The following FSTL4 variants were observed in gnomAD, a reference collection of about 807,000 sequenced individuals.
The protein encoded by FSTL4 is follistatin-related protein 4.
FSTL4 carries 28 observed loss-of-function variants against 78.2 expected under a neutral mutation model. The ratio of observed to expected loss-of-function variants is 0.36; its 90% confidence interval spans 0.27 to 0.49. The LOEUF (loss-of-function observed/expected upper bound fraction) is 0.49. FSTL4 is among the 20% of genes least tolerant of loss of function. FSTL4 has a pLI of 0.98. For missense variants in FSTL4, 922 were observed against 1,084.9 expected (o/e 0.85, Z 2.11); for synonymous variants, 422 against 440.5 (o/e 0.96, Z 0.53).
the FSTL4 span, among the ~76,000 whole-genome samples, chr5:133,750,465 C>T: frequency 6.6e-6 from 1 of 152,148 alleles, no homozygotes; most frequent in Admixed American, 6.5e-5. Flanking sequence ...CCATCACAGC[C>T]CAGGCCCCCC....
chr5:133,306,237 C>A (rs1753652027), intron 6 of FSTL4, among the ~76,000 whole-genome samples: 1 of 152,158 alleles, frequency 6.6e-6, no homozygotes, highest in African/African-American at 2.4e-5. Context: ...CTGCTGAAGC[C>A]AGGTTCTGCT....
the FSTL4 span, among the ~76,000 whole-genome samples, chr5:133,805,042 C>A: frequency 2.0e-5 from 3 of 151,854 alleles, no homozygotes; most frequent in Non-Finnish European, 2.9e-5. Context: ...TAGCCCCAAC[C>A]CCACTGCCTC....
rs1441334502 is a variant in FSTL4 at position 133,225,974 on chromosome 5, G to T, written c.1016-155C>A. 4.0e-6 allele frequency: 2 copies of T among 495,614 alleles called. No homozygotes were observed. The highest frequency in any genetic ancestry group is 3.1e-5 in the East Asian group (1 of 32,466). The allele number at this position is 495,614 out of a possible 1,614,324, so 30.7% of individuals were successfully genotyped here. ...AATTATAATAATCCTGTCCAGCAAC[G>T]CAAGCTCTAAAAGAAAGGGCTATAA... On this transcript the variant is annotated intron_variant, in intron 8 of 15. Transcript: ENST00000265342. The surrounding 1 kb of genome is among the most constrained non-coding windows in gnomAD (Gnocchi z 4.6).
At chr5:133,239,674 A>C (rs1263502156) in intron 7 of FSTL4, among the ~76,000 whole-genome samples, 2 of 148,252 alleles carry the variant, frequency 1.3e-5, no homozygotes, top group Admixed American at 1.3e-4. Context: ...CAAGGTTTGT[A>C]AACCCACCAA....
At chr5:133,404,133 G>T (rs1430595606) in intron 3 of FSTL4, among the ~76,000 whole-genome samples, 2 of 152,236 alleles carry the variant, frequency 1.3e-5, no homozygotes, top group Admixed American at 6.5e-5. Context: ...TAGCATGAAG[G>T]CCCTGCATAT....
At chr5:133,823,242 C>T in the FSTL4 span, among the ~76,000 whole-genome samples, 2 of 152,196 alleles carry the variant, frequency 1.3e-5, no homozygotes, top group African/African-American at 4.8e-5. Flanking sequence ...TCAAAAGTAG[C>T]TTCAGCACCC....
chr5:133,388,374 T>C (rs1205095187), intron 4 of FSTL4: 12 of 152,232 alleles, frequency 7.9e-5, no homozygotes, highest in Admixed American at 7.9e-4. Flanking sequence ...CATCATGGTC[T>C]TACCACCCCA....
chr5:133,760,980 T>C, the FSTL4 span, among the ~76,000 whole-genome samples: 1 of 152,146 alleles, frequency 6.6e-6, no homozygotes, highest in Non-Finnish European at 1.5e-5. Flanking sequence ...GGGCCCAGCA[T>C]GGCGGAAGCT....
At chr5:133,816,870 C>T in the FSTL4 span, among the ~76,000 whole-genome samples, 17 of 152,348 alleles carry the variant, frequency 1.1e-4, no homozygotes, top group Middle Eastern at 3.4e-3. Flanking sequence ...CAGGGAGGGC[C>T]TAGCCTCTGC....
chr5:133,351,276 G>C lies in FSTL4; in HGVS notation c.410-34624C>G, dbSNP rs189365434. Among the ~76,000 whole-genome samples the C allele has an allele frequency of 1.3e-3, 199 of 152,036 alleles. 1 individual carries two copies. The highest frequency in any genetic ancestry group is 4.4e-3 in the African/African-American group (181 of 41,444). ...GTTGCTTTTAAGTTTTTCTCATTATGTTTGACATTCTACAATTTTACCATT... is the reference window on the plus strand; with the variant it reads ...GTTGCTTTTAAGTTTTTCTCATTATCTTTGACATTCTACAATTTTACCATT... On this transcript the variant is annotated intron_variant, in intron 4 of 15. Transcript: ENST00000265342.
chr5:133,321,375 T>C (rs759901854), intron 4 of FSTL4, among the ~76,000 whole-genome samples: 12 of 152,172 alleles, frequency 7.9e-5, no homozygotes, highest in Non-Finnish European at 1.3e-4. Context: ...GGCTCCCAGG[T>C]AGGGAGGGAA....
the FSTL4 span, among the ~76,000 whole-genome samples, chr5:133,798,478 A>C: frequency 6.6e-6 from 1 of 151,346 alleles, no homozygotes; most frequent in African/African-American, 2.4e-5. Flanking sequence ...ACATGGTTTT[A>C]TGTTAGCTAA....
intron 3 of FSTL4, among the ~76,000 whole-genome samples, chr5:133,530,695 C>A (rs1759232905): frequency 6.6e-6 from 1 of 152,184 alleles, no homozygotes; most frequent in Admixed American, 6.5e-5. Context: ...TTTAGGTGGA[C>A]CTATGGCCAG....
the FSTL4 span, among the ~76,000 whole-genome samples, chr5:133,794,023 C>T: frequency 1.3e-5 from 2 of 152,216 alleles, no homozygotes; most frequent in South Asian, 4.1e-4. Context: ...ATGTAGGAGG[C>T]TAATCAATCA....
At chr5:133,742,870 G>T in the FSTL4 span, among the ~76,000 whole-genome samples, 1 of 152,064 alleles carries the variant, frequency 6.6e-6, no homozygotes, top group African/African-American at 2.4e-5. Context: ...TGACAGGAGC[G>T]CGCGGTGGAG....
intron 6 of FSTL4, among the ~76,000 whole-genome samples, chr5:133,273,118 T>C (rs539808200): frequency 2.0e-5 from 3 of 152,222 alleles, no homozygotes; most frequent in Non-Finnish European, 4.4e-5. Flanking sequence ...CTTGTGATAT[T>C]TCCTCTGTTC....
the FSTL4 span, among the ~76,000 whole-genome samples, chr5:133,760,681 G>A: frequency 6.6e-6 from 1 of 152,124 alleles, no homozygotes; most frequent in African/African-American, 2.4e-5. Context: ...CTTGCAGCCT[G>A]GCCACGCAGT....
chr5:133,803,377 TAGA>T, the FSTL4 span, among the ~76,000 whole-genome samples: 1 of 152,110 alleles, frequency 6.6e-6, no homozygotes, highest in South Asian at 2.1e-4. Flanking sequence ...AACAGTAAGC[TAGA>T]AGAAGGGAAA....
At chr5:133,572,013 TA>T (rs1248924739) in intron 2 of FSTL4, among the ~76,000 whole-genome samples, 1 of 152,140 alleles carries the variant, frequency 6.6e-6, no homozygotes, top group Non-Finnish European at 1.5e-5. Flanking sequence ...TTTCCAAAAC[TA>T]ATGAAAGACA....
Sources: gnomAD v4.1 joint callset for allele counts (sites outside exome capture counted in the v4.1 genomes callset) on GRCh38, gnomAD v4.1.1 for gene constraint, Gnocchi (gnomAD v3.1) non-coding constraint, MANE v1.5 for transcripts, NCBI Gene and HGNC (gene_info 2026-07-23, HGNC 2026-07-21) for gene names.